The following RABGAP1L variants were observed in gnomAD, a reference collection of about 807,000 sequenced individuals.
RABGAP1L encodes rab GTPase-activating protein 1-like.
RABGAP1L carries 63 observed loss-of-function variants against 137.7 expected under a neutral mutation model. That is an observed-to-expected ratio of 0.46 (90% CI 0.37 to 0.56). The LOEUF (loss-of-function observed/expected upper bound fraction) is 0.56. Among genes scored for constraint, RABGAP1L ranks in the 20% least tolerant of loss-of-function variants. RABGAP1L has a pLI of 0.00. For synonymous variants in RABGAP1L, 431 were observed against 433.7 expected, an observed-to-expected ratio of 0.99 and a Z score of 0.08; for missense variants, 1,095 against 1,244.0, an observed-to-expected ratio of 0.88 and a Z score of 1.80.
At chr1:174,911,838 T>C (rs1660102586) in intron 19 of RABGAP1L, among the ~76,000 whole-genome samples, 2 of 152,168 alleles carry the variant, frequency 1.3e-5, no homozygotes, top group Non-Finnish European at 2.9e-5. Flanking sequence ...TTGGATATGC[T>C]CCATATCCAA....
At chr1:174,821,788 A>G (rs1185187593) in intron 19 of RABGAP1L, among the ~76,000 whole-genome samples, 2 of 152,220 alleles carry the variant, frequency 1.3e-5, no homozygotes, top group Non-Finnish European at 2.9e-5. Flanking sequence ...CATGGATCTA[A>G]AATGTGTGCT....
intron 13 of RABGAP1L, among the ~76,000 whole-genome samples, chr1:174,559,637 T>C (rs775926833): frequency 3.3e-5 from 5 of 152,180 alleles, no homozygotes; most frequent in Non-Finnish European, 7.4e-5. Flanking sequence ...GAAGAAATAA[T>C]TTCATTTGAG....
intron 11 of RABGAP1L, among the ~76,000 whole-genome samples, chr1:174,359,645 T>C (rs536598788): frequency 4.6e-5 from 7 of 152,350 alleles, no homozygotes; most frequent in Admixed American, 3.3e-4. Context: ...ATGCCAGATA[T>C]AGCCTTCTTT....
chr1:174,804,281 G>GT lies in RABGAP1L; in HGVS notation c.2212-7540dup, dbSNP rs778667940. Reference sequence around the variant, plus strand: ...TTTGTTTTGTTTTGTTTTGTTTTTTGTTTTTTTTTTTGAGATAGGGTTTCA... The same window carrying GT: ...TTTGTTTTGTTTTGTTTTGTTTTTTGTTTTTTTTTTTTGAGATAGGGTTTCA... On this transcript the variant is annotated intron_variant, in intron 18 of 25. Transcript: ENST00000681986. Among the ~76,000 whole-genome samples the GT allele has an allele frequency of 2.8e-3, 397 of 139,314 alleles. 3 individuals carry two copies. The highest frequency in any genetic ancestry group is 8.5e-3 in the African/African-American group (325 of 38,304). The allele number at this position is 139,314 out of a possible 152,430, so 91.4% of individuals were successfully genotyped here.
At chr1:174,364,399 C>T (rs1327198753) in intron 11 of RABGAP1L, among the ~76,000 whole-genome samples, 8 of 148,868 alleles carry the variant, frequency 5.4e-5, no homozygotes, top group East Asian at 3.9e-4. Flanking sequence ...GGACTACAGG[C>T]GCCCGCCACT....
chr1:174,187,410 G>T (rs1666889295), intron 1 of RABGAP1L, among the ~76,000 whole-genome samples: 1 of 152,060 alleles, frequency 6.6e-6, no homozygotes, highest in Non-Finnish European at 1.5e-5. Context: ...TGTCTGCTAT[G>T]TAATAAGAAG....
At chr1:174,223,108 A>T (rs761498766) in intron 3 of RABGAP1L, among the ~76,000 whole-genome samples, 9 of 151,946 alleles carry the variant, frequency 5.9e-5, no homozygotes, top group Admixed American at 1.3e-4. Flanking sequence ...TCTCTACTAA[A>T]AATACAAAAA....
At chr1:174,626,859 C>T (rs747514469) in intron 13 of RABGAP1L, among the ~76,000 whole-genome samples, 10 of 152,180 alleles carry the variant, frequency 6.6e-5, no homozygotes, top group Non-Finnish European at 1.3e-4. Flanking sequence ...CATCTGCTTT[C>T]AGGAACATGT....
intron 19 of RABGAP1L, among the ~76,000 whole-genome samples, chr1:174,815,170 C>CT (rs1690265353): frequency 6.6e-6 from 1 of 152,204 alleles, no homozygotes; most frequent in African/African-American, 2.4e-5. Flanking sequence ...CTGCCACAAC[C>CT]CATGAGAGGC....
intron 13 of RABGAP1L, among the ~76,000 whole-genome samples, chr1:174,618,125 A>T (rs1236598831): frequency 2.6e-5 from 4 of 152,222 alleles, no homozygotes; most frequent in Non-Finnish European, 5.9e-5. Context: ...AGGCTTGAGT[A>T]GGTAAACAAA....
intron 19 of RABGAP1L, among the ~76,000 whole-genome samples, chr1:174,812,444 C>T (rs1248193957): frequency 6.6e-6 from 1 of 152,166 alleles, no homozygotes. Context: ...AAGCTAAACA[C>T]ATTTTATAAA....
At chr1:174,722,704 G>A (rs978446544) in intron 17 of RABGAP1L, among the ~76,000 whole-genome samples, 42 of 151,938 alleles carry the variant, frequency 2.8e-4, no homozygotes, top group African/African-American at 9.7e-4. Flanking sequence ...ACCTGCCTCA[G>A]CCTCCCAAAG....
At chr1:174,327,984 C>T (rs1157413419) in intron 11 of RABGAP1L, among the ~76,000 whole-genome samples, 3,215 of 37,536 alleles carry the variant, frequency 0.086, 314 homozygotes, top group African/African-American at 0.31. Context: ...TATATACACA[C>T]ACATATATAT....
At chr1:174,502,445 A>G (rs1572077467) in intron 13 of RABGAP1L, among the ~76,000 whole-genome samples, 1 of 151,506 alleles carries the variant, frequency 6.6e-6, no homozygotes, top group African/African-American at 2.4e-5. Context: ...AATATATAAA[A>G]TAGTCTAGAA....
chr1:174,186,596 C>T (rs181096940), intron 1 of RABGAP1L, among the ~76,000 whole-genome samples: 1 of 152,258 alleles, frequency 6.6e-6, no homozygotes, highest in East Asian at 1.9e-4. Context: ...GGCTGATTTC[C>T]CAGTTTGTTA....
intron 14 of RABGAP1L, among the ~76,000 whole-genome samples, chr1:174,638,844 C>A (rs1674285707): frequency 7.1e-6 from 1 of 140,950 alleles, no homozygotes; most frequent in South Asian, 2.4e-4. Context: ...AATGAGATCA[C>A]ATGGACACAG....
chr1:174,194,496 A>G (rs1667431083), intron 1 of RABGAP1L, among the ~76,000 whole-genome samples: 1 of 152,056 alleles, frequency 6.6e-6, no homozygotes, highest in Non-Finnish European at 1.5e-5. Context: ...AGCCTCCCAA[A>G]GTGCTGGGAT....
rs571012513 is a variant in RABGAP1L at position 174,739,745 on chromosome 1, A to G, written c.2170-12568A>G. Among the ~76,000 whole-genome samples the G allele has an allele frequency of 1.3e-4, 20 of 152,342 alleles. No homozygotes were observed. In the South Asian group the frequency reaches 3.9e-3, roughly 30 times the overall value. On this transcript the variant is annotated intron_variant, in intron 17 of 25. Transcript: ENST00000681986. ...TTCTGTGAACTCAGGTAAATCATCT[A>G]ACATATTTAAGCTTGCATTGTAAAA...
At chr1:174,628,166 T>C (rs181104262) in intron 13 of RABGAP1L, among the ~76,000 whole-genome samples, 1 of 152,308 alleles carries the variant, frequency 6.6e-6, no homozygotes, top group Non-Finnish European at 1.5e-5. Context: ...TTTATCTGAA[T>C]AGTTGTTCAC....
Sources: allele counts gnomAD v4.1 joint callset (sites outside exome capture counted in the v4.1 genomes callset), GRCh38; gene constraint gnomAD v4.1.1; transcripts MANE v1.5; gene names NCBI Gene and HGNC (gene_info 2026-07-23, HGNC 2026-07-21).